Variants in PARG observed in about 807,000 individuals in gnomAD.
PARG encodes mitochondrial poly(ADP-ribose) glycohydrolase.
A neutral mutation model predicts 113.0 loss-of-function variants in PARG; 35 were observed. That is an observed-to-expected ratio of 0.31 (90% CI 0.24 to 0.41). PARG has a LOEUF of 0.41. PARG is among the 10% of genes least tolerant of loss of function. PARG has a pLI of 1.00. For missense variants in PARG, 797 were observed against 1,169.4 expected (o/e 0.68, Z 4.64); for synonymous variants, 330 against 409.9 (o/e 0.81, Z 2.36).
chr10:49,932,101 C>T lies in PARG; in HGVS notation c.1454G>A (p.Arg485Gln), dbSNP rs1554909920. Residue 485 changes from arginine to glutamine, a missense_variant and splice_region_variant, in exon 4 of 18, where the codon CGG (arginine) becomes CAG (glutamine). Arg to Gln is a conservative substitution (Grantham distance 43). Around this residue, in one of 5 missense-constraint regions of PARG, gnomAD observed 252 missense variants for 437.4 expected, o/e 0.58. Coordinates refer to ENST00000616448, the MANE Select transcript of PARG (RefSeq NM_003631.5). ...RPSANHTVTI[R>Q]VDLLRAGEVP... ...TCATAGATAAGAGGTGCTACCTACCCGAATAGTTACTGTGTGATTGGCAGA... is the reference window on the plus strand; with the variant it reads ...TCATAGATAAGAGGTGCTACCTACCTGAATAGTTACTGTGTGATTGGCAGA... 1.4e-5 allele frequency: 22 copies of T among 1,570,130 alleles called. No individual in the cohort carries two copies. In the South Asian group the frequency reaches 1.9e-4, roughly 13 times the overall value.
At chr10:49,920,463 AATATATATAT>A (rs202215714) in intron 6 of PARG, among the ~76,000 whole-genome samples, 4 of 47,982 alleles carry the variant, frequency 8.3e-5, no homozygotes, top group East Asian at 9.8e-4. Context: ...AAAAAAAAAA[AATATATATAT>A]ATATATATAT....
At chr10:49,902,952 C>T (rs557562729) in intron 7 of PARG, among the ~76,000 whole-genome samples, 1 of 152,110 alleles carries the variant, frequency 6.6e-6, no homozygotes, top group South Asian at 2.1e-4. Context: ...CCTGCCTCAG[C>T]CTCCAGAGAA....
chr10:49,911,801 A>G (rs558431500), intron 7 of PARG, among the ~76,000 whole-genome samples: 3 of 152,352 alleles, frequency 2.0e-5, no homozygotes, highest in African/African-American at 7.2e-5. Flanking sequence ...GACTGTTGAC[A>G]TGAACTCCTC....
In PARG at chr10:49,913,496, A is replaced by G. The variant is rs1174153552; in HGVS notation, c.1737+2421T>C. On this transcript the variant is annotated intron_variant, in intron 7 of 17. Transcript: ENST00000616448. ...TTTAAACATACATTTATGTCTAGCT[A>G]TAAGACATCATATATATGGGCAAAG... 3.9e-4 allele frequency among the ~76,000 whole-genome samples: 59 copies of G among 152,250 alleles called. 2 individuals are homozygous for G. Among genetic ancestry groups the G allele is most frequent in the Admixed American group, 3.9e-4 (6 of 15,292 alleles).
intron 15 of PARG, among the ~76,000 whole-genome samples, chr10:49,841,186 G>A (rs1845218371): frequency 6.6e-6 from 1 of 151,916 alleles, no homozygotes; most frequent in Admixed American, 6.6e-5. Context: ...CTGGGAGGCG[G>A]AGGTTGCAGT....
Position 49,819,024 on chromosome 10 carries a change from C to G in PARG, c.*316G>C, listed in dbSNP as rs529594266. ...AATATATGGGCAGGAAGAAAGAGAC[C>G]CGACAGGCTGAGCACAACCTTCCAT... On this transcript the variant is annotated 3_prime_UTR_variant, in exon 18 of 18. Coordinates refer to ENST00000616448, the MANE Select transcript of PARG (RefSeq NM_003631.5). 1 of 190,718 alleles carries G rather than the reference C, an allele frequency of 5.2e-6. No individual in the cohort carries two copies. Among genetic ancestry groups the G allele is most frequent in the East Asian group, 1.4e-4 (1 of 7,224 alleles). 11.8% of individuals were successfully genotyped at this position (190,718 alleles called of 1,614,324 possible).
rs1211471476 is a variant in PARG, at chr10:49,891,590, CAT to C, written c.1738-6297_1738-6296del. ...GAAATATCCTCATAATCCTATGGTC[CAT>C]ATATATATATATATATATATATATA... On this transcript the variant is annotated intron_variant, in intron 7 of 17. Coordinates refer to ENST00000616448, the MANE Select transcript of PARG (RefSeq NM_003631.5). Among the ~76,000 whole-genome samples the C allele has an allele frequency of 8.7e-3, 423 of 48,588 alleles. 5 individuals are homozygous for C. The highest frequency in any genetic ancestry group is 0.042 in the Middle Eastern group (2 of 48). 31.9% of individuals were successfully genotyped at this position (48,588 alleles called of 152,430 possible). A position where few individuals can be genotyped will look rare whatever the true frequency, so the allele number is the denominator to read the frequency against.
intron 6 of PARG, among the ~76,000 whole-genome samples, chr10:49,919,995 A>G (rs1837708241): frequency 6.6e-6 from 1 of 152,148 alleles, no homozygotes; most frequent in Non-Finnish European, 1.5e-5. Flanking sequence ...TGGGGTTTGG[A>G]TCAGCGGTTT....
chr10:49,837,397 TACAC>T (rs3048454), intron 15 of PARG, among the ~76,000 whole-genome samples: 21 of 148,044 alleles, frequency 1.4e-4, no homozygotes, highest in Non-Finnish European at 1.8e-4. Flanking sequence ...CATGCATATA[TACAC>T]ACACACACAC....
intron 7 of PARG, among the ~76,000 whole-genome samples, chr10:49,892,760 A>G (rs1214050911): frequency 1.3e-5 from 2 of 152,094 alleles, no homozygotes; most frequent in Admixed American, 6.5e-5. Context: ...CAAGCATTCC[A>G]CCCCATCACT....
chr10:49,856,101 C>CA (rs1845971583), intron 13 of PARG, among the ~76,000 whole-genome samples: 1 of 151,150 alleles, frequency 6.6e-6, no homozygotes, highest in African/African-American at 2.4e-5. Flanking sequence ...CTAAAGCATA[C>CA]ACGTGACTAA....
At chr10:49,837,142 G>A (rs1366602639) in intron 15 of PARG, among the ~76,000 whole-genome samples, 1 of 152,060 alleles carries the variant, frequency 6.6e-6, no homozygotes, top group Non-Finnish European at 1.5e-5. Flanking sequence ...AACTCTACTT[G>A]CAGGTCACGA....
At chr10:49,845,612 T>C (rs1391279540) in intron 13 of PARG, among the ~76,000 whole-genome samples, 12 of 152,210 alleles carry the variant, frequency 7.9e-5, no homozygotes, top group Admixed American at 4.6e-4. Flanking sequence ...TTGTATTGAA[T>C]GTGGCTAAGC....
At chr10:49,891,824 A>G (rs1847822251) in intron 7 of PARG, among the ~76,000 whole-genome samples, 1 of 150,258 alleles carries the variant, frequency 6.7e-6, no homozygotes, top group Non-Finnish European at 1.5e-5. Flanking sequence ...ATGGGGTTGC[A>G]CCATGTTGGC....
chr10:49,885,195 C>A lies in PARG; in HGVS notation c.1830+8G>T, dbSNP rs368870906. ...AGGGAAGCTACTGAGGAAGCTACAT[C>A]CACTAACCTGGGTGCAAATATTTGG... On this transcript the variant is annotated splice_region_variant and intron_variant, in intron 8 of 17. Transcript: ENST00000616448. 3.6e-5 allele frequency: 52 copies of A among 1,453,434 alleles called. No homozygotes were observed. The highest frequency in any genetic ancestry group is 4.8e-5 in the Non-Finnish European group (50 of 1,035,174). 90.0% of individuals were successfully genotyped at this position (1,453,434 alleles called of 1,614,324 possible).
intron 16 of PARG, among the ~76,000 whole-genome samples, chr10:49,831,593 C>T (rs1844666507): frequency 6.6e-6 from 1 of 152,118 alleles, no homozygotes; most frequent in African/African-American, 2.4e-5. Context: ...ATGATTTAAT[C>T]AATCATGCCT....
chr10:49,868,922 T>G (rs1216595378), intron 10 of PARG, among the ~76,000 whole-genome samples: 2 of 152,092 alleles, frequency 1.3e-5, no homozygotes, highest in South Asian at 2.1e-4. Context: ...TATCAGCTGG[T>G]CATTACCAGT....
intron 7 of PARG, among the ~76,000 whole-genome samples, chr10:49,902,548 A>T (rs782030989): frequency 6.6e-6 from 1 of 152,194 alleles, no homozygotes; most frequent in African/African-American, 2.4e-5. Context: ...AATTCTAGTC[A>T]TTTATTGCTA....
intron 9 of PARG, among the ~76,000 whole-genome samples, chr10:49,870,174 T>TA (rs1460342293): frequency 6.6e-6 from 1 of 150,842 alleles, no homozygotes; most frequent in East Asian, 2.0e-4. Context: ...GAGCAGGTAG[T>TA]AACAGTTAAA....
Sources: allele counts gnomAD v4.1 joint callset (sites outside exome capture counted in the v4.1 genomes callset), GRCh38; gene constraint gnomAD v4.1.1; regional missense constraint gnomAD v4.1.1; transcripts MANE v1.5; gene names NCBI Gene and HGNC (gene_info 2026-07-23, HGNC 2026-07-21).